Variants in ATAD2B observed in about 807,000 individuals in gnomAD.
ATAD2B encodes the protein ATPase family AAA domain-containing protein 2B.
A neutral mutation model predicts 167.6 loss-of-function variants in ATAD2B; 40 were observed. That is an observed-to-expected ratio of 0.24 (90% CI 0.19 to 0.31). ATAD2B has a LOEUF of 0.31. Among genes scored for constraint, ATAD2B ranks in the 10% least tolerant of loss-of-function variants. ATAD2B has a pLI of 1.00. For missense variants in ATAD2B, 1,242 were observed against 1,757.2 expected (o/e 0.71, Z 5.24); for synonymous variants, 579 against 596.5 (o/e 0.97, Z 0.43).
intron 7 of ATAD2B, among the ~76,000 whole-genome samples, chr2:23,878,959 T>C (rs1043596990): frequency 6.6e-6 from 1 of 152,140 alleles, no homozygotes; most frequent in Non-Finnish European, 1.5e-5. Context: ...AAATGTAAAC[T>C]AAAACTATAA....
At chr2:23,740,666 A>G in the ATAD2B span, among the ~76,000 whole-genome samples, 1 of 151,964 alleles carries the variant, frequency 6.6e-6, no homozygotes, top group South Asian at 2.1e-4. Context: ...CTCTCTCACC[A>G]CTCCTATTCA....
chr2:23,840,665 A>G (rs1690738706), intron 13 of ATAD2B, among the ~76,000 whole-genome samples: 1 of 152,216 alleles, frequency 6.6e-6, no homozygotes, highest in Non-Finnish European at 1.5e-5. Context: ...ATATGTTTGA[A>G]AACAGTGTCC....
intron 7 of ATAD2B, among the ~76,000 whole-genome samples, chr2:23,878,033 A>AAAAAAAG (rs1558714193): frequency 1.4e-5 from 2 of 147,494 alleles, no homozygotes; most frequent in Non-Finnish European, 3.0e-5. Context: ...AAAAAAAAAA[A>AAAAAAAG]AAAAAAGCAA....
the ATAD2B span, among the ~76,000 whole-genome samples, chr2:23,737,124 G>C: frequency 2.6e-5 from 4 of 152,232 alleles, no homozygotes; most frequent in Admixed American, 6.5e-5. Flanking sequence ...TCTGGGGGCA[G>C]GGCACAGACA....
the ATAD2B span, among the ~76,000 whole-genome samples, chr2:23,713,068 T>C: frequency 6.6e-6 from 1 of 152,276 alleles, no homozygotes; most frequent in African/African-American, 2.4e-5. Flanking sequence ...AGCCTACAGA[T>C]GACTGAAGAA....
chr2:23,698,282 A>G, the ATAD2B span, among the ~76,000 whole-genome samples: 10 of 150,202 alleles, frequency 6.7e-5, no homozygotes, highest in African/African-American at 2.2e-4. Flanking sequence ...GAGTCTGCCA[A>G]CTGTCCTTGC....
intron 2 of ATAD2B, among the ~76,000 whole-genome samples, chr2:23,890,616 A>G (rs1029544931): frequency 6.6e-6 from 1 of 152,210 alleles, no homozygotes; most frequent in Non-Finnish European, 1.5e-5. Context: ...GCATTAACTC[A>G]GCTTGATCAG....
the ATAD2B span, among the ~76,000 whole-genome samples, chr2:23,687,701 T>C: frequency 6.6e-6 from 1 of 152,106 alleles, no homozygotes; most frequent in Non-Finnish European, 1.5e-5. Flanking sequence ...ATGTGGGTTA[T>C]GAAGAATGGG....
In ATAD2B at chr2:23,927,006, C is replaced by T. The variant is rs1046644839; in HGVS notation, c.-236G>A. 7 of 501,774 alleles carry T rather than the reference C, an allele frequency of 1.4e-5. No individual in the cohort carries two copies. Among genetic ancestry groups the T allele is most frequent in the Non-Finnish European group, 2.4e-5 (7 of 290,336 alleles). 31.1% of individuals were successfully genotyped at this position (501,774 alleles called of 1,614,324 possible). ...GCTGCAGACCGGCAGCACAGACACT[C>T]CGCCGGCTTCGCCCTCCTCAGCGGG... On this transcript the variant is annotated 5_prime_UTR_variant, in exon 1 of 28. Transcript: ENST00000238789.
At chr2:23,886,171 C>G (rs1276777443) in intron 4 of ATAD2B, among the ~76,000 whole-genome samples, 1 of 152,008 alleles carries the variant, frequency 6.6e-6, no homozygotes, top group African/African-American at 2.4e-5. Flanking sequence ...TTCTTGAACT[C>G]CTGGGCTCAA....
At chr2:23,763,528 T>C (rs1334824031) in intron 23 of ATAD2B, among the ~76,000 whole-genome samples, 1 of 152,218 alleles carries the variant, frequency 6.6e-6, no homozygotes, top group East Asian at 1.9e-4. Flanking sequence ...GGACATTTTA[T>C]ATAAAAGAAA....
the ATAD2B span, among the ~76,000 whole-genome samples, chr2:23,694,196 T>G: frequency 1.3e-5 from 2 of 152,230 alleles, no homozygotes; most frequent in Admixed American, 1.3e-4. Flanking sequence ...CAGATCCGTC[T>G]AATTCACCAA....
At chr2:23,919,787 G>A (rs1363133204) in intron 1 of ATAD2B, among the ~76,000 whole-genome samples, 1 of 150,952 alleles carries the variant, frequency 6.6e-6, no homozygotes, top group Non-Finnish European at 1.5e-5. Flanking sequence ...ACAGATTACA[G>A]TGAGCTGAGG....
In ATAD2B at chr2:23,818,557, T is replaced by C. The variant is rs1686961622; in HGVS notation, c.2267+1190A>G. ...AAAAAAAGAGGAGATGAAAGTAATT[T>C]AGGCTCATTTTTAAAAATGAAAAAC... On this transcript the variant is annotated intron_variant, in intron 17 of 27. Transcript: ENST00000238789. Among the ~76,000 whole-genome samples, 3 of 152,194 alleles carry C rather than the reference T, an allele frequency of 2.0e-5. No homozygotes were observed. In the East Asian group the frequency reaches 5.8e-4, roughly 29 times the overall value.
chr2:23,824,411 C>T (rs1164439382), intron 15 of ATAD2B, among the ~76,000 whole-genome samples: 1 of 152,172 alleles, frequency 6.6e-6, no homozygotes, highest in Non-Finnish European at 1.5e-5. Context: ...CTTCCAAACA[C>T]GTATAAAATA....
At chr2:23,738,345 G>T in the ATAD2B span, among the ~76,000 whole-genome samples, 4 of 152,326 alleles carry the variant, frequency 2.6e-5, no homozygotes, top group African/African-American at 9.6e-5. Context: ...ACTAACAGCT[G>T]ATCTCTCTGC....
At chr2:23,895,660 A>T (rs547662416) in intron 2 of ATAD2B, among the ~76,000 whole-genome samples, 159 bp downstream of exon 2, 23 of 152,338 alleles carry the variant, frequency 1.5e-4, no homozygotes, top group African/African-American at 5.3e-4. Flanking sequence ...TATAGAAAAT[A>T]AACTTACATA....
chr2:23,844,141 T>A (rs905055888), intron 13 of ATAD2B, among the ~76,000 whole-genome samples: 1 of 152,202 alleles, frequency 6.6e-6, no homozygotes, highest in Admixed American at 6.5e-5. Flanking sequence ...GGTTTCACCA[T>A]GTTGGCCAGG....
At chr2:23,819,416 A>G (rs1028653528) in intron 17 of ATAD2B, among the ~76,000 whole-genome samples, 1 of 151,386 alleles carries the variant, frequency 6.6e-6, no homozygotes, top group Admixed American at 6.6e-5. Flanking sequence ...GCTTAAACTC[A>G]GGAGGCAGAG....
Sources: gnomAD v4.1 joint callset for allele counts (sites outside exome capture counted in the v4.1 genomes callset) on GRCh38, gnomAD v4.1.1 for gene constraint, MANE v1.5 for transcripts, NCBI Gene and HGNC (gene_info 2026-07-23, HGNC 2026-07-21) for gene names.